UBL3: variants seen among roughly 807,000 people sequenced by gnomAD.
UBL3 encodes ubiquitin like 3, also known as ubiquitin-like protein 3.
In UBL3, 6 loss-of-function variants were observed where a neutral mutation model predicts 18.4. The observed-to-expected ratio is 0.33, with a 90% CI of 0.18 to 0.64. UBL3 has a LOEUF of 0.64. Among genes scored for constraint, UBL3 ranks in the 30% least tolerant of loss-of-function variants. The pLI, the probability that UBL3 is intolerant of heterozygous loss-of-function variation, is 0.76. For synonymous variants in UBL3, 49 were observed against 46.6 expected (o/e 1.05, Z -0.21); for missense variants, 109 against 142.9 (o/e 0.76, Z 1.21).
chr13:29,798,680 A>G (rs1346780503), intron 1 of UBL3, among the ~76,000 whole-genome samples: 1 of 152,248 alleles, frequency 6.6e-6, no homozygotes, highest in Non-Finnish European at 1.5e-5. Flanking sequence ...TGTGGAAAAC[A>G]AAAACTTCTA....
intron 1 of UBL3, among the ~76,000 whole-genome samples, chr13:29,833,807 GAGA>G (rs1410461410): frequency 1.3e-5 from 2 of 152,010 alleles, no homozygotes; most frequent in African/African-American, 4.8e-5. Flanking sequence ...ACTCTATTAG[GAGA>G]AGGATTTGTT....
intron 1 of UBL3, among the ~76,000 whole-genome samples, chr13:29,782,352 TAATTTAAAACTAAC>T (rs1212291434): frequency 6.6e-6 from 1 of 152,216 alleles, no homozygotes; most frequent in East Asian, 1.9e-4. Context: ...CAGCATTTCC[TAATTTAAAACTAAC>T]ACACATCACA....
At chr13:29,838,131 C>A (rs1334006493) in intron 1 of UBL3, among the ~76,000 whole-genome samples, 1 of 151,428 alleles carries the variant, frequency 6.6e-6, no homozygotes, top group Non-Finnish European at 1.5e-5. Context: ...ACATTAACTT[C>A]AAAGGAGTAA....
intron 1 of UBL3, among the ~76,000 whole-genome samples, chr13:29,829,041 G>A (rs765745656): frequency 2.6e-5 from 4 of 152,152 alleles, no homozygotes; most frequent in Non-Finnish European, 4.4e-5. Flanking sequence ...TGGAAGCTTC[G>A]TCTCAGAGGG....
intron 1 of UBL3, among the ~76,000 whole-genome samples, chr13:29,833,626 ATC>A (rs1393141342): frequency 2.6e-5 from 4 of 152,152 alleles, no homozygotes; most frequent in African/African-American, 7.2e-5. Flanking sequence ...AAATGTCAAC[ATC>A]TCTGTGAGCC....
chr13:29,772,012 A>C, intron 3 of UBL3, 100 bp downstream of exon 3: 3 of 1,019,906 alleles, frequency 2.9e-6, no homozygotes, highest in Non-Finnish European at 4.4e-6. Context: ...GTTTGAATTT[A>C]TCATTTTTTT....
intron 1 of UBL3, among the ~76,000 whole-genome samples, chr13:29,788,123 C>T (rs890271948): frequency 3.0e-4 from 45 of 152,140 alleles, no homozygotes; most frequent in African/African-American, 1.1e-3. Context: ...CTATATAGTA[C>T]TTTCTCTTCT....
intron 1 of UBL3, among the ~76,000 whole-genome samples, chr13:29,782,053 A>C (rs1313371462): frequency 2.0e-5 from 3 of 152,024 alleles, no homozygotes; most frequent in African/African-American, 7.2e-5. Context: ...CTTTTTATAG[A>C]AAACATTAAG....
At chr13:29,808,205 TAATA>T (rs1158495347) in intron 1 of UBL3, among the ~76,000 whole-genome samples, 1 of 152,152 alleles carries the variant, frequency 6.6e-6, no homozygotes, top group Non-Finnish European at 1.5e-5. Flanking sequence ...ACTAAATATT[TAATA>T]TATAGCTAGC....
Position 29,768,110 on chromosome 13 carries a change from CA to C in UBL3, c.224-416del, listed in dbSNP as rs141668884. Among the ~76,000 whole-genome samples, 1,050 of 152,104 alleles carry C rather than the reference CA, an allele frequency of 6.9e-3. 14 individuals carry two copies. Among genetic ancestry groups the C allele is most frequent in the African/African-American group, 0.024 (994 of 41,514 alleles). Reference sequence around the variant, plus strand: ...TGCCTAATAAAATTACTGCACTGAACAGGCTACTATGATGTAGAAATGCAAG... The same window carrying C: ...TGCCTAATAAAATTACTGCACTGAACGGCTACTATGATGTAGAAATGCAAG... On this transcript the variant is annotated intron_variant, in intron 3 of 4. Transcript: ENST00000380680.
intron 1 of UBL3, among the ~76,000 whole-genome samples, chr13:29,800,912 C>G (rs879321577): frequency 5.3e-5 from 8 of 152,134 alleles, no homozygotes; most frequent in Non-Finnish European, 7.4e-5. Flanking sequence ...GACAGGGACC[C>G]CCCCACGGTG....
intron 1 of UBL3, among the ~76,000 whole-genome samples, chr13:29,790,008 T>C (rs1326851400): frequency 6.6e-6 from 1 of 152,176 alleles, no homozygotes; most frequent in African/African-American, 2.4e-5. Flanking sequence ...AAAAGGTGCA[T>C]CTTTCCCCAT....
intron 1 of UBL3, among the ~76,000 whole-genome samples, chr13:29,797,434 CCT>C (rs1877643037): frequency 6.6e-6 from 1 of 152,112 alleles, no homozygotes; most frequent in South Asian, 2.1e-4. Flanking sequence ...TCCCCCTAAT[CCT>C]CTTTAAGGTC....
rs142957941 is a variant in UBL3 at position 29,776,234 on chromosome 13, T to C, written c.136+921A>G. ...GTGTGTGTATATTCACTATTTTGTG[T>C]TTTTTTTTCTTTTTTTTCTTTTCTT... On this transcript the variant is annotated intron_variant, in intron 2 of 4. Coordinates refer to ENST00000380680, the MANE Select transcript of UBL3 (RefSeq NM_007106.4). 2.9e-4 allele frequency among the ~76,000 whole-genome samples: 41 copies of C among 141,974 alleles called. No homozygotes were observed. The East Asian group carries it at 8.3e-3, about 29-fold the overall frequency. 93.1% of individuals were successfully genotyped at this position (141,974 alleles called of 152,430 possible).
chr13:29,780,367 A>AAAAAATATAT (rs1359464345), intron 1 of UBL3, among the ~76,000 whole-genome samples: 19 of 103,290 alleles, frequency 1.8e-4, no homozygotes, highest in East Asian at 1.2e-3. Flanking sequence ...AAAAAAAAAA[A>AAAAAATATAT]ATATATATAT....
intron 1 of UBL3, chr13:29,779,356 T>C (rs566896738): frequency 2.5e-4 from 87 of 343,402 alleles, no homozygotes; most frequent in Non-Finnish European, 4.2e-4. Flanking sequence ...CAAGAAATTC[T>C]GCCCCTAGTA....
At chr13:29,780,353 C>CAAAAAAAAA (rs71746248) in intron 1 of UBL3, among the ~76,000 whole-genome samples, 114 of 8,392 alleles carry the variant, frequency 0.014, 4 homozygotes, top group Non-Finnish European at 0.021. Context: ...GACTCTGTCT[C>CAAAAAAAAA]AAAAAAAAAA....
At chr13:29,827,627 T>C (rs1017059423) in intron 1 of UBL3, among the ~76,000 whole-genome samples, 1 of 152,226 alleles carries the variant, frequency 6.6e-6, no homozygotes, top group Non-Finnish European at 1.5e-5. Flanking sequence ...TCTTGACTCT[T>C]TATCCAATTT....
chr13:29,795,778 G>C (rs1200668974), intron 1 of UBL3, among the ~76,000 whole-genome samples: 2 of 90,788 alleles, frequency 2.2e-5, no homozygotes, highest in African/African-American at 7.5e-5. Context: ...AAAAAAAAAA[G>C]AGAGAGAGCC....
Sources: gnomAD v4.1 joint callset for allele counts (sites outside exome capture counted in the v4.1 genomes callset) on GRCh38, gnomAD v4.1.1 for gene constraint, MANE v1.5 for transcripts, NCBI Gene and HGNC (gene_info 2026-07-23, HGNC 2026-07-21) for gene names.